The following ANKDD1A variants were observed in gnomAD, a reference collection of about 807,000 sequenced individuals.
ANKDD1A encodes ankyrin repeat and death domain containing 1A.
ANKDD1A carries 59 observed loss-of-function variants against 63.5 expected under a neutral mutation model. The observed-to-expected ratio is 0.93, with a 90% CI of 0.75 to 1.15. The LOEUF is 1.15. ANKDD1A is among the 50% of genes most tolerant of loss of function. ANKDD1A has a pLI of 0.00. For synonymous variants in ANKDD1A, 266 were observed against 263.9 expected (o/e 1.01, Z -0.08); for missense variants, 632 against 656.4 (o/e 0.96, Z 0.41).
At chr15:64,949,553 A>G (rs2085252225) in intron 13 of ANKDD1A, among the ~76,000 whole-genome samples, 1 of 152,214 alleles carries the variant, frequency 6.6e-6, no homozygotes, top group Non-Finnish European at 1.5e-5. Context: ...TCAGAGTGAC[A>G]CCAACAGAGT....
At chr15:64,956,315 C>A (rs2085416284) in intron 14 of ANKDD1A, among the ~76,000 whole-genome samples, 2 of 148,122 alleles carry the variant, frequency 1.4e-5, no homozygotes, top group South Asian at 2.1e-4. Context: ...TTTGGGAGGG[C>A]AAGGCGGGCA....
Position 64,926,054 on chromosome 15 carries a change from A to G in ANKDD1A, c.367-12A>G, listed in dbSNP as rs1172305980. The stretch of plus-strand genomic sequence containing the variant: ...TCACAGACTGCAGGAACCCTCCTGC[A>G]CTTGTTTCCAGGATGGCCTGACCTT... On this transcript the variant is annotated splice_polypyrimidine_tract_variant and intron_variant, in intron 4 of 14. Coordinates refer to ENST00000319580, the MANE Select transcript of ANKDD1A (RefSeq NM_182703.6). 6.2e-7 allele frequency: 1 copy of G among 1,610,876 alleles called. No homozygotes were observed. The highest frequency in any genetic ancestry group is 1.7e-5 in the Admixed American group (1 of 59,680).
intron 4 of ANKDD1A, among the ~76,000 whole-genome samples, chr15:64,922,832 T>G (rs2085017130): frequency 6.6e-6 from 1 of 152,154 alleles, no homozygotes; most frequent in African/African-American, 2.4e-5. Context: ...CAATCATGAA[T>G]GTAGGTAATA....
chr15:64,943,759 C>T, intron 11 of ANKDD1A, 177 bp downstream of exon 11: 1 of 634,766 alleles, frequency 1.6e-6, no homozygotes, highest in Non-Finnish European at 2.8e-6. Context: ...CCACCACCTT[C>T]CCCTCTCTCT....
At chr15:64,940,342 G>C (rs551381100) in intron 9 of ANKDD1A, among the ~76,000 whole-genome samples, 90 of 152,194 alleles carry the variant, frequency 5.9e-4, no homozygotes, top group African/African-American at 2.0e-3. Context: ...ATGGGAGAGA[G>C]AGCTTTAGGT....
intron 6 of ANKDD1A, among the ~76,000 whole-genome samples, chr15:64,928,942 C>CACGG (rs2085067749): frequency 6.6e-6 from 1 of 152,152 alleles, no homozygotes; most frequent in South Asian, 2.1e-4. Flanking sequence ...AAAGCCCTGC[C>CACGG]ACGGTCTCTA....
In ANKDD1A at chr15:64,930,889, A is replaced by G; in HGVS notation, c.638A>G (p.Asp213Gly). The G allele has an allele frequency of 6.2e-7, 1 of 1,612,810 alleles. No homozygotes were observed. The highest frequency in any genetic ancestry group is 8.5e-7 in the Non-Finnish European group (1 of 1,179,992). ...GHMAVLQRLV[D>G]IGLDLEEQNA... ...ATGGCTGTGCTGCAGCGACTTGTGG[A>G]CATCGGGCTGGACCTGGAGGAGCAG... The change falls in exon 7 of 15, where the codon GAC (aspartate) becomes GGC (glycine). Residue 213 changes from aspartate (D) to glycine (G), a missense_variant. Asp to Gly is a moderately conservative substitution (Grantham distance 94, BLOSUM62 -1). Coordinates refer to ENST00000319580, the MANE Select transcript of ANKDD1A (RefSeq NM_182703.6).
chr15:64,925,945 G>A, intron 4 of ANKDD1A, 121 bp from the exon 5 acceptor site: 1 of 820,896 alleles, frequency 1.2e-6, no homozygotes, highest in Non-Finnish European at 1.9e-6. Context: ...ATCATTTACA[G>A]TGTTGTATCC....
At chr15:64,954,818 C>CT (rs2085398629) in intron 14 of ANKDD1A, among the ~76,000 whole-genome samples, 1 of 147,834 alleles carries the variant, frequency 6.8e-6, no homozygotes, top group Non-Finnish European at 1.5e-5. Flanking sequence ...CCTTGTTCTT[C>CT]TCCTTCTTTT....
intron 14 of ANKDD1A, chr15:64,951,326 T>C: frequency 1.4e-6 from 1 of 704,654 alleles, no homozygotes; most frequent in Non-Finnish European, 1.6e-6. Flanking sequence ...CTTTCTTCTT[T>C]CCTCTTTTTC....
Position 64,953,906 on chromosome 15 carries a change from C to T in ANKDD1A, c.1484-3197C>T, listed in dbSNP as rs2085365272. 2.9e-5 allele frequency among the ~76,000 whole-genome samples: 4 copies of T among 139,662 alleles called. No individual in the cohort carries two copies. In the South Asian group the frequency reaches 6.8e-4, roughly 24 times the overall value. The allele number at this position is 139,662 out of a possible 152,430, so 91.6% of individuals were successfully genotyped here. A position where few individuals can be genotyped will look rare whatever the true frequency, so the allele number is the denominator to read the frequency against. The stretch of plus-strand genomic sequence containing the variant: ...TTCTTCTTCCTCTTTTCTTTCTTCC[C>T]TCTTCTTTCTTCTCTTTTTCTTTTT... On this transcript the variant is annotated intron_variant, in intron 14 of 14. Coordinates refer to ENST00000319580, the MANE Select transcript of ANKDD1A (RefSeq NM_182703.6).
At chr15:64,952,353 T>C (rs777733516) in intron 14 of ANKDD1A, among the ~76,000 whole-genome samples, 8 of 144,162 alleles carry the variant, frequency 5.5e-5, no homozygotes, top group Non-Finnish European at 1.1e-4. Flanking sequence ...TCTTAGTTCT[T>C]CCTCCTTCTT....
At chr15:64,950,215 C>T (rs565254818) in intron 14 of ANKDD1A, 1,322 of 985,390 alleles carry the variant, frequency 1.3e-3, no homozygotes, top group Middle Eastern at 1.6e-3. Flanking sequence ...TTCACAGCCC[C>T]GGAGCCAGTG....
chr15:64,940,917 A>T (rs559815223), intron 9 of ANKDD1A, among the ~76,000 whole-genome samples: 1 of 151,740 alleles, frequency 6.6e-6, no homozygotes, highest in South Asian at 2.1e-4. Context: ...TTTGTTTTAA[A>T]TTTTTTGTAG....
chr15:64,954,040 CTCTTCTTCTTTTCTCCTTCTTCTTTCT>C (rs1356433359), intron 14 of ANKDD1A, among the ~76,000 whole-genome samples: 1 of 102,290 alleles, frequency 9.8e-6, no homozygotes, highest in African/African-American at 3.8e-5. Context: ...TTTCTTCTTC[CTCTTCTTCTTTTCTCCTTCTTCTTTCT>C]TCTTCCTCTT....
intron 9 of ANKDD1A, among the ~76,000 whole-genome samples, chr15:64,941,484 A>G: frequency 6.6e-6 from 1 of 150,778 alleles, no homozygotes; most frequent in East Asian, 1.9e-4. Flanking sequence ...CAACTGTGCT[A>G]GCTCTGTGTA....
Position 64,926,112 on chromosome 15 carries a change from C to T in ANKDD1A, c.413C>T (p.Pro138Leu), listed in dbSNP as rs1197392683. Reference protein sequence around the residue: ...LHCAAQKGHVPVLAFIMEDLE... With the variant: ...LHCAAQKGHVLVLAFIMEDLE... ...TGCGCAGCCCAAAAAGGCCATGTGCCTGTGCTGGCGTTCATAATGGAGGAC... is the reference window on the plus strand; with the variant it reads ...TGCGCAGCCCAAAAAGGCCATGTGCTTGTGCTGGCGTTCATAATGGAGGAC... The change falls in exon 5 of 15, where the codon CCT becomes CTT. Residue 138 changes from proline to leucine, a missense_variant. Pro to Leu is a moderately conservative substitution (Grantham distance 98, BLOSUM62 -3). Coordinates refer to ENST00000319580, the MANE Select transcript of ANKDD1A (RefSeq NM_182703.6). 2 of 1,614,082 alleles carry T rather than the reference C, an allele frequency of 1.2e-6. No homozygotes were observed. The highest frequency in any genetic ancestry group is 8.5e-7 in the Non-Finnish European group (1 of 1,179,986).
intron 14 of ANKDD1A, among the ~76,000 whole-genome samples, chr15:64,952,945 CCTTCTCT>C (rs2085326129): frequency 5.6e-5 from 3 of 53,150 alleles, no homozygotes; most frequent in Admixed American, 5.4e-4. Flanking sequence ...TCCTCTTCTT[CCTTCTCT>C]TTCTTCCTCT....
At chr15:64,953,649 TCTC>T (rs1335797615) in intron 14 of ANKDD1A, among the ~76,000 whole-genome samples, 1 of 10,882 alleles carries the variant, frequency 9.2e-5, no homozygotes, top group African/African-American at 1.4e-4. Context: ...TCCTCTTCCT[TCTC>T]CTTCTTTTCT....
Sources: gnomAD v4.1 joint callset for allele counts (sites outside exome capture counted in the v4.1 genomes callset) on GRCh38, gnomAD v4.1.1 for gene constraint, MANE v1.5 for transcripts, NCBI Gene and HGNC (gene_info 2026-07-23, HGNC 2026-07-21) for gene names.